CLMP: variants seen among roughly 807,000 people sequenced by gnomAD.
CLMP encodes the protein CXADR like cell adhesion molecule.
A neutral mutation model predicts 45.2 loss-of-function variants in CLMP; 27 were observed. The ratio of observed to expected loss-of-function variants is 0.60; its 90% confidence interval spans 0.44 to 0.82. The LOEUF (loss-of-function observed/expected upper bound fraction) is 0.82. CLMP is among the 40% of genes least tolerant of loss of function. The pLI is 0.00. For missense variants in CLMP, 403 were observed against 448.4 expected (o/e 0.90, Z 0.91); for synonymous variants, 167 against 171.4 (o/e 0.97, Z 0.20).
chr11:123,094,595 A>C (rs1435979856), intron 2 of CLMP, among the ~76,000 whole-genome samples: 1 of 151,862 alleles, frequency 6.6e-6, no homozygotes, highest in East Asian at 1.9e-4. Context: ...GGGAGTTCTC[A>C]CTCTGTTGCT....
At position 123,073,305 on chromosome 11, in the gene CLMP, T is replaced by G; in HGVS notation, c.*169A>C. Reference sequence around the variant, plus strand: ...GAATCAGCTTACATCCTTTTGCTTGTTTGGTATTGTATAAGGAAAATGCTC... The same window carrying G: ...GAATCAGCTTACATCCTTTTGCTTGGTTGGTATTGTATAAGGAAAATGCTC... On this transcript the variant is annotated 3_prime_UTR_variant, in exon 7 of 7. Transcript: ENST00000448775. 1.4e-6 allele frequency: 1 copy of G among 713,800 alleles called. No individual in the cohort carries two copies. Among genetic ancestry groups the G allele is most frequent in the Non-Finnish European group, 2.3e-6 (1 of 442,772 alleles). 44.2% of individuals were successfully genotyped at this position (713,800 alleles called of 1,614,324 possible). A position where few individuals can be genotyped will look rare whatever the true frequency, so the allele number is the denominator to read the frequency against.
intron 6 of CLMP, among the ~76,000 whole-genome samples, chr11:123,074,427 C>T (rs1865710601): frequency 6.6e-6 from 1 of 152,058 alleles, no homozygotes; most frequent in African/African-American, 2.4e-5. Flanking sequence ...AGTAATCCTC[C>T]CGCCTCGGCC....
At chr11:123,115,763 G>A (rs1002305986) in intron 1 of CLMP, among the ~76,000 whole-genome samples, 1 of 152,130 alleles carries the variant, frequency 6.6e-6, no homozygotes, top group Non-Finnish European at 1.5e-5. Flanking sequence ...TATGATGGCT[G>A]TGTTCTTCTG....
At chr11:123,150,497 A>G (rs571098935) in intron 1 of CLMP, among the ~76,000 whole-genome samples, 1 of 126,834 alleles carries the variant, frequency 7.9e-6, no homozygotes, top group African/African-American at 3.1e-5. Flanking sequence ...GGAAGGAAGG[A>G]AGGAAGGAAG....
At chr11:123,137,349 A>AG (rs1861091584) in intron 1 of CLMP, among the ~76,000 whole-genome samples, 1 of 148,602 alleles carries the variant, frequency 6.7e-6, no homozygotes, top group African/African-American at 2.5e-5. Context: ...GAGACGGGGT[A>AG]GACCTTTCTT....
intron 1 of CLMP, among the ~76,000 whole-genome samples, chr11:123,110,896 G>A (rs1338634488): frequency 6.6e-6 from 1 of 152,156 alleles, no homozygotes; most frequent in Non-Finnish European, 1.5e-5. Flanking sequence ...TCCATTACTG[G>A]AGTCATTCAA....
At chr11:123,116,716 T>C (rs1297755623) in intron 1 of CLMP, among the ~76,000 whole-genome samples, 1 of 152,140 alleles carries the variant, frequency 6.6e-6, no homozygotes, top group Non-Finnish European at 1.5e-5. Flanking sequence ...CTCGTAAGAG[T>C]AGGTTATGAC....
At chr11:123,104,369 C>T (rs1479240114) in intron 1 of CLMP, among the ~76,000 whole-genome samples, 2 of 150,836 alleles carry the variant, frequency 1.3e-5, no homozygotes, top group Non-Finnish European at 3.0e-5. Flanking sequence ...CATGAGCCAC[C>T]GCGCCCGGTC....
chr11:123,190,973 T>C (rs1317154389), intron 1 of CLMP, among the ~76,000 whole-genome samples: 1 of 152,210 alleles, frequency 6.6e-6, no homozygotes, highest in East Asian at 1.9e-4. Flanking sequence ...TTCTTCTTCA[T>C]CTTAAAAGAA....
chr11:123,142,709 C>T (rs1461078122), intron 1 of CLMP, among the ~76,000 whole-genome samples: 1 of 138,618 alleles, frequency 7.2e-6, no homozygotes, highest in Non-Finnish European at 1.5e-5. Context: ...TCACTGCAAG[C>T]TCCGCTTCCC....
chr11:123,109,017 C>G (rs1860599681), intron 1 of CLMP, among the ~76,000 whole-genome samples: 1 of 148,568 alleles, frequency 6.7e-6, no homozygotes, highest in Admixed American at 6.8e-5. Flanking sequence ...CAAGATCACG[C>G]CATTGTACTC....
At chr11:123,129,426 A>AAAATATATCATATGATATATTATAT in intron 1 of CLMP, among the ~76,000 whole-genome samples, 1 of 138,164 alleles carries the variant, frequency 7.2e-6, no homozygotes, top group African/African-American at 2.9e-5. Flanking sequence ...TATATTATAT[A>AAAATATATCATATGATATATTATAT]AAATATATAT....
intron 1 of CLMP, among the ~76,000 whole-genome samples, chr11:123,132,000 A>G (rs1860998377): frequency 6.6e-6 from 1 of 152,180 alleles, no homozygotes; most frequent in Non-Finnish European, 1.5e-5. Context: ...ATTAAATGCA[A>G]TCTTGTTTAA....
intron 1 of CLMP, among the ~76,000 whole-genome samples, chr11:123,142,992 C>G (rs1861187156): frequency 6.6e-6 from 1 of 152,182 alleles, no homozygotes; most frequent in Non-Finnish European, 1.5e-5. Flanking sequence ...CTTGCCAGGC[C>G]AAAGTCTCAT....
intron 1 of CLMP, among the ~76,000 whole-genome samples, chr11:123,112,770 A>AATT (rs1555080794): frequency 1.8e-5 from 2 of 114,000 alleles, no homozygotes; most frequent in African/African-American, 3.5e-5. Flanking sequence ...GTTAGTACCC[A>AATT]TTTTTTTTTT....
At chr11:123,125,956 G>A (rs183299769) in intron 1 of CLMP, among the ~76,000 whole-genome samples, 14 of 152,178 alleles carry the variant, frequency 9.2e-5, no homozygotes, top group African/African-American at 2.6e-4. Context: ...CACATAGGAA[G>A]CACCCACTGG....
chr11:123,150,930 T>G (rs970736246), intron 1 of CLMP, among the ~76,000 whole-genome samples: 1 of 152,228 alleles, frequency 6.6e-6, no homozygotes, highest in African/African-American at 2.4e-5. Context: ...CTTGAACTCC[T>G]GGCCTCAAGT....
intron 1 of CLMP, chr11:123,136,305 G>C: frequency 1.6e-6 from 1 of 637,342 alleles, no homozygotes; most frequent in Non-Finnish European, 3.0e-6. Flanking sequence ...TGGTGTCTTC[G>C]CGCATACTCA....
chr11:123,135,219 C>T (rs2135511955), intron 1 of CLMP, among the ~76,000 whole-genome samples: 1 of 145,940 alleles, frequency 6.9e-6, no homozygotes, highest in East Asian at 2.0e-4. Flanking sequence ...AAGACCATGC[C>T]ATTGCACTCT....
Sources: allele counts gnomAD v4.1 joint callset (sites outside exome capture counted in the v4.1 genomes callset), GRCh38; gene constraint gnomAD v4.1.1; transcripts MANE v1.5; gene names NCBI Gene and HGNC (gene_info 2026-07-23, HGNC 2026-07-21).